NUDCD1: variants seen among roughly 807,000 people sequenced by gnomAD.
The protein encoded by NUDCD1 is NudC domain containing 1, also known as nudC domain-containing protein 1.
NUDCD1 carries 60 observed loss-of-function variants against 67.8 expected under a neutral mutation model. That is an observed-to-expected ratio of 0.88 (90% confidence interval 0.72 to 1.10). The LOEUF is 1.10. NUDCD1 is among the 50% of genes least tolerant of loss of function. The pLI is 0.00. For missense variants in NUDCD1, 643 were observed against 695.0 expected, an observed-to-expected ratio of 0.93 and a Z score of 0.84; for synonymous variants, 244 against 230.8, an observed-to-expected ratio of 1.06 and a Z score of -0.52.
chr8:109,252,161 T>C (rs1258862201), intron 8 of NUDCD1, among the ~76,000 whole-genome samples: 2 of 152,040 alleles, frequency 1.3e-5, no homozygotes, highest in South Asian at 2.1e-4. Flanking sequence ...CCTAGCCTGA[T>C]GGTGAGGGGG....
intron 2 of NUDCD1, among the ~76,000 whole-genome samples, chr8:109,310,045 T>A (rs1056020935): frequency 6.6e-6 from 1 of 152,030 alleles, no homozygotes; most frequent in African/African-American, 2.4e-5. Flanking sequence ...AAAATGACCA[T>A]ACTGCCAAAA....
In NUDCD1 at chr8:109,289,811, C is replaced by A; in HGVS notation, c.763G>T (p.Val255Phe). 6.4e-7 allele frequency: 1 copy of A among 1,569,540 alleles called. No individual in the cohort carries two copies. Among genetic ancestry groups the A allele is most frequent in the Non-Finnish European group, 8.7e-7 (1 of 1,150,206 alleles). Residue 255 changes from valine (V) to phenylalanine (F), a missense_variant, in exon 5 of 10, where the codon GTT (valine) becomes TTT (phenylalanine). Physicochemically the swap from Val to Phe is conservative, Grantham distance 50. Transcript: ENST00000239690. ...MIVSYKSLTF[V>F]QAGQDLEENM... ...TCTTCAAGATCTTGACCAGCCTGAA[C>A]AAATGTTAAAGACTTGTAGGATACA...
intron 3 of NUDCD1, among the ~76,000 whole-genome samples, chr8:109,295,042 CATTAG>C (rs1299614740): frequency 6.6e-6 from 1 of 152,024 alleles, no homozygotes; most frequent in African/African-American, 2.4e-5. Flanking sequence ...GAGCTTATTT[CATTAG>C]GGCAGTATAT....
intron 8 of NUDCD1, among the ~76,000 whole-genome samples, chr8:109,268,663 A>G (rs1814067401): frequency 6.6e-6 from 1 of 152,210 alleles, no homozygotes; most frequent in African/African-American, 2.4e-5. Context: ...TTTGGCAGAA[A>G]ACAGTATCTA....
chr8:109,258,301 T>C lies in NUDCD1; in HGVS notation c.1299+12704A>G, dbSNP rs75834018. On this transcript the variant is annotated intron_variant, in intron 8 of 9. Coordinates refer to ENST00000239690, the MANE Select transcript of NUDCD1 (RefSeq NM_032869.4). ...CCATCCTTTTCCCACTGCACTGCTA[T>C]GTCACCCTTGTCACAAATAAGGTCA... Among the ~76,000 whole-genome samples the C allele has an allele frequency of 3.5e-3, 537 of 152,254 alleles. 6 individuals are homozygous for C. The highest frequency in any genetic ancestry group is 0.012 in the African/African-American group (507 of 41,582).
chr8:109,282,148 T>C (rs1004434648), intron 5 of NUDCD1, among the ~76,000 whole-genome samples: 1 of 152,194 alleles, frequency 6.6e-6, no homozygotes, highest in Non-Finnish European at 1.5e-5. Context: ...TAGGCAGATC[T>C]GCCCAGTCTC....
intron 8 of NUDCD1, among the ~76,000 whole-genome samples, chr8:109,247,607 A>G (rs1416289579): frequency 6.6e-6 from 1 of 152,158 alleles, no homozygotes; most frequent in Non-Finnish European, 1.5e-5. Context: ...AGTGTTGTTA[A>G]TTGTGAAACT....
At chr8:109,274,939 CTATAT>C (rs1421754579) in intron 7 of NUDCD1, among the ~76,000 whole-genome samples, 2 of 152,036 alleles carry the variant, frequency 1.3e-5, no homozygotes, top group African/African-American at 4.8e-5. Flanking sequence ...AATAACTATA[CTATAT>C]ATGATACATA....
intron 4 of NUDCD1, among the ~76,000 whole-genome samples, chr8:109,291,279 A>C (rs1404833368): frequency 1.3e-5 from 2 of 152,172 alleles, no homozygotes; most frequent in Non-Finnish European, 2.9e-5. Flanking sequence ...AATAGCTGGA[A>C]CTATAGGTGC....
chr8:109,307,141 C>G (rs768490861), intron 2 of NUDCD1, among the ~76,000 whole-genome samples: 1 of 152,190 alleles, frequency 6.6e-6, no homozygotes, highest in Non-Finnish European at 1.5e-5. Context: ...TGAAAATAGC[C>G]TTAACTGATG....
intron 8 of NUDCD1, among the ~76,000 whole-genome samples, chr8:109,252,505 AC>A (rs1813644648): frequency 6.6e-6 from 1 of 151,980 alleles, no homozygotes; most frequent in Non-Finnish European, 1.5e-5. Flanking sequence ...CAGAGAACAC[AC>A]CCCTTTAATC....
At position 109,290,343 on chromosome 8, in the gene NUDCD1, C is replaced by A. The variant is rs532706663; in HGVS notation, c.641-410G>T. ...AGAAATCTCTTATTAGACAGCAGTA[C>A]CCCAGAACTCCAACATGACCGGCTT... On this transcript the variant is annotated intron_variant, in intron 4 of 9. Coordinates refer to ENST00000239690, the MANE Select transcript of NUDCD1 (RefSeq NM_032869.4). 3.9e-5 allele frequency among the ~76,000 whole-genome samples: 6 copies of A among 152,140 alleles called. No homozygotes were observed. In the South Asian group the frequency reaches 1.0e-3, roughly 26 times the overall value.
At chr8:109,305,815 A>G (rs1422635100) in intron 2 of NUDCD1, among the ~76,000 whole-genome samples, 1 of 152,114 alleles carries the variant, frequency 6.6e-6, no homozygotes, top group Non-Finnish European at 1.5e-5. Flanking sequence ...GGACCCCCGC[A>G]TTAGGTTCAT....
chr8:109,266,019 C>T (rs1427141000), intron 8 of NUDCD1, among the ~76,000 whole-genome samples: 3 of 151,740 alleles, frequency 2.0e-5, no homozygotes, highest in Non-Finnish European at 4.4e-5. Context: ...ACCTTCTGGT[C>T]ATTCAAGTCT....
At chr8:109,246,949 T>C (rs1329968178) in intron 8 of NUDCD1, among the ~76,000 whole-genome samples, 1 of 152,134 alleles carries the variant, frequency 6.6e-6, no homozygotes, top group Non-Finnish European at 1.5e-5. Context: ...CACAGGAGAA[T>C]ACAGTGTCAG....
intron 5 of NUDCD1, among the ~76,000 whole-genome samples, chr8:109,283,854 GCAACTATA>G (rs1305363991): frequency 2.6e-5 from 4 of 152,022 alleles, no homozygotes; most frequent in Non-Finnish European, 5.9e-5. Context: ...TCCCTGTAAA[GCAACTATA>G]CAATAGAAAC....
intron 8 of NUDCD1, among the ~76,000 whole-genome samples, chr8:109,268,372 T>G (rs140919390): frequency 2.6e-5 from 4 of 152,186 alleles, no homozygotes; most frequent in Admixed American, 1.3e-4. Flanking sequence ...GTGACTATAG[T>G]TAAATCTGCT....
chr8:109,264,792 T>C (rs1044746062), intron 8 of NUDCD1, among the ~76,000 whole-genome samples: 1 of 151,796 alleles, frequency 6.6e-6, no homozygotes, highest in African/African-American at 2.4e-5. Context: ...AGGATTCAAC[T>C]ATATTAATGC....
rs1813360685 is a variant in NUDCD1, at chr8:109,241,332, G to C, written c.*1677C>G. On this transcript the variant is annotated 3_prime_UTR_variant, in exon 10 of 10. Transcript: ENST00000239690. ...TATACATTTTTCTTATGTTCCCTAA[G>C]AGGATATTATCTTTGGGGAAAATTT... is the stretch of plus-strand genomic sequence containing the variant. 1 of 152,110 alleles carries C rather than the reference G, an allele frequency of 6.6e-6. No homozygotes were observed. Among genetic ancestry groups the C allele is most frequent in the Non-Finnish European group, 1.5e-5 (1 of 68,010 alleles). 9.4% of individuals were successfully genotyped at this position (152,110 alleles called of 1,614,324 possible). A position where few individuals can be genotyped will look rare whatever the true frequency, so the allele number is the denominator to read the frequency against.
Sources: allele counts gnomAD v4.1 joint callset (sites outside exome capture counted in the v4.1 genomes callset), GRCh38; gene constraint gnomAD v4.1.1; transcripts MANE v1.5; gene names NCBI Gene and HGNC (gene_info 2026-07-23, HGNC 2026-07-21).